CFAP206: variants seen among roughly 807,000 people sequenced by gnomAD.
CFAP206 encodes cilia and flagella associated protein 206, also known as cilia- and flagella-associated protein 206.
In CFAP206, 53 loss-of-function variants were observed where a neutral mutation model predicts 65.4. The observed-to-expected ratio is 0.81, with a 90% CI of 0.65 to 1.02. The LOEUF (loss-of-function observed/expected upper bound fraction) is 1.02, where lower values mean the gene tolerates loss of function less well. CFAP206 is among the 50% of genes least tolerant of loss of function. CFAP206 has a pLI of 0.00. For missense variants in CFAP206, 663 were observed against 753.2 expected (o/e 0.88, Z 1.40); for synonymous variants, 250 against 254.4 (o/e 0.98, Z 0.17).
At chr6:87,432,265 A>T (rs1768172248) in intron 10 of CFAP206, among the ~76,000 whole-genome samples, 1 of 152,194 alleles carries the variant, frequency 6.6e-6, no homozygotes, top group South Asian at 2.1e-4. Flanking sequence ...CAATTGGCTC[A>T]TTTAAAAAAT....
At chr6:87,410,729 T>C (rs1015476796) in intron 3 of CFAP206, 61 bp downstream of exon 3, 2 of 1,292,204 alleles carry the variant, frequency 1.5e-6, no homozygotes, top group African/African-American at 1.5e-5. Flanking sequence ...ATACAATATT[T>C]GTATTAGTCA....
At chr6:87,441,852 C>A in intron 11 of CFAP206, 2 of 285,794 alleles carry the variant, frequency 7.0e-6, no homozygotes, top group South Asian at 4.1e-5. Context: ...AATCCGATGT[C>A]ATCCCTAGCA....
intron 11 of CFAP206, 46 bp downstream of exon 11, chr6:87,435,099 A>G: frequency 7.2e-7 from 1 of 1,380,960 alleles, no homozygotes; most frequent in South Asian, 1.3e-5. Flanking sequence ...TTAAAAATAT[A>G]GTTAATTTAA....
At chr6:87,461,672 G>A (rs1768751180) in intron 12 of CFAP206, among the ~76,000 whole-genome samples, 2 of 143,048 alleles carry the variant, frequency 1.4e-5, no homozygotes, top group Admixed American at 1.5e-4. Context: ...CCTCTTTATG[G>A]TATCTTGTCA....
At chr6:87,417,640 A>G (rs913482838) in intron 6 of CFAP206, among the ~76,000 whole-genome samples, 2 of 151,846 alleles carry the variant, frequency 1.3e-5, no homozygotes, top group East Asian at 1.9e-4. Context: ...TTAACAACAC[A>G]TAATACCAAA....
rs1037750952 is a variant in CFAP206 at position 87,425,027 on chromosome 6, A to G, written c.841-1499A>G. Among the ~76,000 whole-genome samples the G allele has an allele frequency of 3.9e-5, 6 of 152,200 alleles. No individual in the cohort carries two copies. In the South Asian group the frequency reaches 1.0e-3, roughly 26 times the overall value. ...TACTATCCCAAATGCTTATCCTGTC[A>G]TCAACTTTTAAAACTGTTCTTGCTA... On this transcript the variant is annotated intron_variant, in intron 7 of 12. Transcript: ENST00000369562.
chr6:87,463,377 A>G (rs1404569024), intron 12 of CFAP206, among the ~76,000 whole-genome samples: 3 of 152,094 alleles, frequency 2.0e-5, no homozygotes, highest in African/African-American at 7.3e-5. Flanking sequence ...TGTTTCCTCT[A>G]ATTCCAGGTG....
intron 7 of CFAP206, among the ~76,000 whole-genome samples, chr6:87,425,112 C>T (rs1231012267): frequency 2.6e-5 from 4 of 152,190 alleles, no homozygotes; most frequent in Non-Finnish European, 4.4e-5. Flanking sequence ...TCTCCTAAAA[C>T]TTAACAGATA....
intron 11 of CFAP206, among the ~76,000 whole-genome samples, chr6:87,452,657 A>G (rs1768565683): frequency 6.6e-6 from 1 of 152,200 alleles, no homozygotes; most frequent in Non-Finnish European, 1.5e-5. Flanking sequence ...ATTAAAAACA[A>G]GAAATTCTGG....
chr6:87,448,833 A>G (rs749426975), intron 11 of CFAP206, among the ~76,000 whole-genome samples: 1 of 152,154 alleles, frequency 6.6e-6, no homozygotes, highest in Non-Finnish European at 1.5e-5. Flanking sequence ...TGTAAATGAC[A>G]GGATTTCATT....
chr6:87,446,326 A>G (rs547337164), intron 11 of CFAP206, among the ~76,000 whole-genome samples: 4 of 152,024 alleles, frequency 2.6e-5, no homozygotes, highest in Non-Finnish European at 5.9e-5. Context: ...TAGGGTTTTT[A>G]TAGTTTAATA....
intron 11 of CFAP206, among the ~76,000 whole-genome samples, chr6:87,444,088 A>G (rs1023577394): frequency 6.6e-6 from 1 of 152,178 alleles, no homozygotes; most frequent in African/African-American, 2.4e-5. Flanking sequence ...CAAAGCTATT[A>G]TTGATATCTA....
intron 11 of CFAP206, chr6:87,435,404 A>G (rs1768246943): frequency 1.2e-5 from 2 of 167,256 alleles, no homozygotes; most frequent in Non-Finnish European, 2.6e-5. Context: ...CTGCAAAACA[A>G]TTTAACAGGT....
At chr6:87,410,925 G>A (rs539492291) in intron 3 of CFAP206, among the ~76,000 whole-genome samples, 1 of 152,240 alleles carries the variant, frequency 6.6e-6, no homozygotes, top group African/African-American at 2.4e-5. Flanking sequence ...AGAAAGAAGG[G>A]GGAAAGACAA....
At chr6:87,443,975 G>T (rs9450686) in intron 11 of CFAP206, among the ~76,000 whole-genome samples, 41,687 of 151,952 alleles carry the variant, frequency 0.27, 5,925 homozygotes, top group Admixed American at 0.38. Flanking sequence ...TTTCATCATA[G>T]TTCGGTTCTG....
At chr6:87,441,721 C>T (rs900713341) in intron 11 of CFAP206, 14 of 195,598 alleles carry the variant, frequency 7.2e-5, no homozygotes, top group Non-Finnish European at 1.2e-4. Flanking sequence ...TACAATATGT[C>T]GTTCCACTTG....
chr6:87,422,959 G>A (rs1364741983), intron 7 of CFAP206, among the ~76,000 whole-genome samples: 1 of 152,026 alleles, frequency 6.6e-6, no homozygotes, highest in African/African-American at 2.4e-5. Flanking sequence ...GTCTCGCTCT[G>A]TCACCCAGGC....
chr6:87,409,910 A>T lies in CFAP206; in HGVS notation c.71A>T (p.His24Leu), dbSNP rs1767703429. The change falls in exon 2 of 13, where the codon CAT becomes CTT. Residue 24 changes from histidine (H) to leucine (L), a missense_variant. Transcript: ENST00000369562. ...GAAATAGGACAAGAATGTGCAGCCC[A>T]TGGAGAGATTGTTTCTGAAACTCTG... ...IREIGQECAA[H>L]GEIVSETLIA... is the part of the protein sequence containing the mutation. 2 of 1,612,706 alleles carry T rather than the reference A, an allele frequency of 1.2e-6. No individual in the cohort carries two copies. Among genetic ancestry groups the T allele is most frequent in the African/African-American group, 1.3e-5 (1 of 74,886 alleles).
chr6:87,455,168 C>A (rs1457473020), intron 11 of CFAP206, among the ~76,000 whole-genome samples: 2 of 152,054 alleles, frequency 1.3e-5, no homozygotes, highest in African/African-American at 4.8e-5. Flanking sequence ...GTGATCCACC[C>A]ACTTCGGCCT....
Sources: gnomAD v4.1 joint callset for allele counts (sites outside exome capture counted in the v4.1 genomes callset) on GRCh38, gnomAD v4.1.1 for gene constraint, MANE v1.5 for transcripts, NCBI Gene and HGNC (gene_info 2026-07-23, HGNC 2026-07-21) for gene names.